Variants in SMAP1 observed in about 807,000 individuals in gnomAD.
The protein encoded by SMAP1 is stromal membrane-associated protein 1.
A neutral mutation model predicts 58.5 loss-of-function variants in SMAP1; 24 were observed. That is an observed-to-expected ratio of 0.41 (90% CI 0.30 to 0.58). SMAP1 has a LOEUF of 0.58. Among genes scored for constraint, SMAP1 ranks in the 20% least tolerant of loss-of-function variants. SMAP1 has a pLI of 0.29. For synonymous variants in SMAP1, 216 were observed against 196.6 expected, an observed-to-expected ratio of 1.10 and a Z score of -0.82; for missense variants, 563 against 566.3, an observed-to-expected ratio of 0.99 and a Z score of 0.06.
At chr6:70,763,106 C>CTTTTTTT (rs35936929) in intron 3 of SMAP1, among the ~76,000 whole-genome samples, 1,760 of 84,406 alleles carry the variant, frequency 0.021, 204 homozygotes, top group African/African-American at 0.064. Flanking sequence ...ACAGATATTA[C>CTTTTTTT]TTTTTTTTTT....
chr6:70,853,419 A>C (rs1205133673), intron 8 of SMAP1, among the ~76,000 whole-genome samples: 3 of 152,200 alleles, frequency 2.0e-5, no homozygotes, highest in African/African-American at 7.2e-5. Context: ...ATAAACAAGC[A>C]GTTTGTGCAG....
intron 1 of SMAP1, among the ~76,000 whole-genome samples, chr6:70,722,450 A>C (rs1768571606): frequency 6.6e-6 from 1 of 152,244 alleles, no homozygotes; most frequent in Non-Finnish European, 1.5e-5. Context: ...AGCATGTGCT[A>C]AGCACTGAAT....
chr6:70,831,047 A>T (rs1770337672), intron 6 of SMAP1, among the ~76,000 whole-genome samples: 1 of 152,136 alleles, frequency 6.6e-6, no homozygotes, highest in Admixed American at 6.5e-5. Flanking sequence ...AATTATTTTA[A>T]ATGTTTGGTT....
chr6:70,668,850 G>A, intron 1 of SMAP1: 1 of 1,077,398 alleles, frequency 9.3e-7, no homozygotes. Context: ...CGGTGGGTTT[G>A]TATTTCTGAA....
chr6:70,709,780 A>T (rs1236022987), intron 1 of SMAP1, among the ~76,000 whole-genome samples: 1 of 151,934 alleles, frequency 6.6e-6, no homozygotes. Flanking sequence ...TTGTTTGTAT[A>T]TTGTTTTAGG....
At position 70,860,419 on chromosome 6, in the gene SMAP1, T is replaced by C; in HGVS notation, c.*85T>C. ...TAGTTCCCCTGTTTATTCATATGCA[T>C]ATTTTTTTTCTTTTTACCCATTTGT... On this transcript the variant is annotated 3_prime_UTR_variant, in exon 11 of 11. Coordinates refer to ENST00000370455, the MANE Select transcript of SMAP1 (RefSeq NM_001044305.3). 1 of 1,487,176 alleles carries C rather than the reference T, an allele frequency of 6.7e-7. No homozygotes were observed. The highest frequency in any genetic ancestry group is 2.3e-5 in the Admixed American group (1 of 43,512). The allele number at this position is 1,487,176 out of a possible 1,614,324, so 92.1% of individuals were successfully genotyped here.
At chr6:70,672,964 G>C (rs1483572688) in intron 1 of SMAP1, among the ~76,000 whole-genome samples, 1 of 152,032 alleles carries the variant, frequency 6.6e-6, no homozygotes, top group Non-Finnish European at 1.5e-5. Context: ...AGTTTTGGTA[G>C]TCTCAGGTCA....
At chr6:70,691,721 C>T (rs1767176985) in intron 1 of SMAP1, among the ~76,000 whole-genome samples, 2 of 152,320 alleles carry the variant, frequency 1.3e-5, no homozygotes, top group South Asian at 4.1e-4. Context: ...GTTTGTCTTT[C>T]TGTGCCTGAC....
intron 6 of SMAP1, among the ~76,000 whole-genome samples, chr6:70,831,609 T>A (rs1562191394): frequency 6.6e-6 from 1 of 152,216 alleles, no homozygotes; most frequent in Non-Finnish European, 1.5e-5. Context: ...CCTTCTTTTT[T>A]ATGGCTGTAT....
At chr6:70,857,589 G>A in intron 9 of SMAP1, 2 of 263,720 alleles carry the variant, frequency 7.6e-6, no homozygotes, top group East Asian at 9.3e-5. Context: ...GTTTCGTACT[G>A]GGGGACCAGT....
At chr6:70,843,840 G>A (rs999134652) in intron 7 of SMAP1, among the ~76,000 whole-genome samples, 3 of 152,202 alleles carry the variant, frequency 2.0e-5, no homozygotes, top group Non-Finnish European at 4.4e-5. Context: ...ACCTAGCACA[G>A]TAACTTGCAC....
intron 1 of SMAP1, among the ~76,000 whole-genome samples, chr6:70,691,305 T>A (rs541360784): frequency 1.3e-5 from 2 of 152,322 alleles, no homozygotes; most frequent in South Asian, 2.1e-4. Context: ...ACTGATTTTT[T>A]AAAATTTTTA....
chr6:70,726,147 G>C (rs890894075), intron 1 of SMAP1, among the ~76,000 whole-genome samples: 1 of 152,020 alleles, frequency 6.6e-6, no homozygotes, highest in Admixed American at 6.6e-5. Context: ...TACCTACTTT[G>C]CATATTTGTT....
intron 4 of SMAP1, 28 bp from the exon 5 acceptor site, chr6:70,791,661 C>A: frequency 1.3e-6 from 2 of 1,577,802 alleles, no homozygotes; most frequent in Non-Finnish European, 1.7e-6. Flanking sequence ...TGTTTTTTTC[C>A]TCCTGACTTT....
At chr6:70,809,185 G>A (rs1271678267) in intron 6 of SMAP1, among the ~76,000 whole-genome samples, 3 of 152,074 alleles carry the variant, frequency 2.0e-5, no homozygotes, top group African/African-American at 7.2e-5. Flanking sequence ...GACGCTATAA[G>A]AGAAGACCAC....
At chr6:70,791,822 C>A in intron 5 of SMAP1, 53 bp downstream of exon 5, 1 of 1,470,306 alleles carries the variant, frequency 6.8e-7, no homozygotes, top group Non-Finnish European at 9.5e-7. Context: ...GGTAAATTAA[C>A]TTCCTTTTGC....
intron 6 of SMAP1, among the ~76,000 whole-genome samples, chr6:70,815,530 C>T (rs921337728): frequency 2.0e-5 from 3 of 151,788 alleles, no homozygotes; most frequent in Non-Finnish European, 4.4e-5. Context: ...CTTTTTTTGG[C>T]GGGGGGAGTG....
chr6:70,860,862 G>A lies in SMAP1; in HGVS notation c.*528G>A. 1 of 394,342 alleles carries A rather than the reference G, an allele frequency of 2.5e-6. No homozygotes were observed. Among genetic ancestry groups the A allele is most frequent in the African/African-American group, 2.1e-5 (1 of 48,612 alleles). 24.4% of individuals were successfully genotyped at this position (394,342 alleles called of 1,614,324 possible). On this transcript the variant is annotated 3_prime_UTR_variant, in exon 11 of 11. Coordinates refer to ENST00000370455, the MANE Select transcript of SMAP1 (RefSeq NM_001044305.3). The stretch of plus-strand genomic sequence containing the variant: ...GCTGTTGTTATGATGTGCTTAACAG[G>A]GAACGTGATTAGTGAAAGGAAGATA...
rs1245755423 is a variant in SMAP1 at position 70,757,298 on chromosome 6, G to C, written c.338+2233G>C. On this transcript the variant is annotated intron_variant, in intron 3 of 10. Transcript: ENST00000370455. ...ATTCCCTATTTAATAAATGGTGCTG[G>C]GAAAACTGGCTAGCCATATGTAGAA... Among the ~76,000 whole-genome samples the C allele has an allele frequency of 3.5e-4, 52 of 149,448 alleles. 1 individual carries two copies. Among genetic ancestry groups the C allele is most frequent in the Non-Finnish European group, 5.4e-4 (36 of 66,930 alleles).
Sources: gnomAD v4.1 joint callset for allele counts (sites outside exome capture counted in the v4.1 genomes callset) on GRCh38, gnomAD v4.1.1 for gene constraint, MANE v1.5 for transcripts, NCBI Gene and HGNC (gene_info 2026-07-23, HGNC 2026-07-21) for gene names.